The following SH3BP5 variants were observed in gnomAD, a reference collection of about 807,000 sequenced individuals.
SH3BP5 encodes the protein SH3 domain binding protein 5, also known as SH3 domain-binding protein 5.
Under a neutral mutation model 43.3 loss-of-function variants are expected in SH3BP5, and 22 were observed. That is an observed-to-expected ratio of 0.51 (90% CI 0.36 to 0.73). The LOEUF (loss-of-function observed/expected upper bound fraction) is 0.73, where lower values mean the gene tolerates loss of function less well. Ranked by LOEUF, SH3BP5 falls within the 30% of genes least tolerant of loss-of-function variation. The pLI, the probability that SH3BP5 is intolerant of heterozygous loss-of-function variation, is 0.00. For synonymous variants in SH3BP5, 255 were observed against 225.8 expected (o/e 1.13, Z -1.16); for missense variants, 529 against 586.9 (o/e 0.90, Z 1.02).
At chr3:15,265,861 A>G (rs557068245) in intron 4 of SH3BP5, among the ~76,000 whole-genome samples, 1 of 151,874 alleles carries the variant, frequency 6.6e-6, no homozygotes, top group Non-Finnish European at 1.5e-5. Flanking sequence ...GACCCTGCTC[A>G]TATCAGCCCA....
chr3:15,283,036 G>A (rs2002798), intron 3 of SH3BP5, among the ~76,000 whole-genome samples: 92 of 152,106 alleles, frequency 6.0e-4, no homozygotes, highest in Non-Finnish European at 1.2e-3. Flanking sequence ...AAAAGAATAG[G>A]GAAAACCAAA....
chr3:15,278,731 T>A (rs905333360), intron 3 of SH3BP5, among the ~76,000 whole-genome samples: 2 of 152,260 alleles, frequency 1.3e-5, no homozygotes, highest in African/African-American at 2.4e-5. Context: ...GTCAAAATTA[T>A]TCTCCTGAGG....
intron 3 of SH3BP5, among the ~76,000 whole-genome samples, chr3:15,303,475 C>G (rs1004081393): frequency 3.9e-5 from 6 of 152,094 alleles, no homozygotes; most frequent in Non-Finnish European, 8.8e-5. Flanking sequence ...ACACAGCAGC[C>G]AAAGGAAGAC....
At chr3:15,330,944 A>C in intron 1 of SH3BP5, 1 of 159,588 alleles carries the variant, frequency 6.3e-6, no homozygotes, top group Non-Finnish European at 1.3e-5. Context: ...ACAATAAGCA[A>C]GGCCAAGCCA....
At chr3:15,284,597 T>C (rs1036263427) in intron 3 of SH3BP5, among the ~76,000 whole-genome samples, 19 of 152,358 alleles carry the variant, frequency 1.2e-4, no homozygotes, top group African/African-American at 4.1e-4. Context: ...CCCTGCCAGC[T>C]GGGATCAACA....
intron 2 of SH3BP5, among the ~76,000 whole-genome samples, chr3:15,320,501 G>A (rs1487134810): frequency 6.6e-6 from 1 of 151,886 alleles, no homozygotes; most frequent in Non-Finnish European, 1.5e-5. Flanking sequence ...CATCTATGTG[G>A]CAATCGGCAG....
chr3:15,305,180 A>G (rs1169378288), intron 2 of SH3BP5, among the ~76,000 whole-genome samples: 1 of 152,162 alleles, frequency 6.6e-6, no homozygotes, highest in Non-Finnish European at 1.5e-5. Flanking sequence ...AGCAACTACT[A>G]TATTGCATAG....
intron 7 of SH3BP5, among the ~76,000 whole-genome samples, chr3:15,258,360 G>A (rs2125040805): frequency 6.6e-6 from 1 of 151,938 alleles, no homozygotes; most frequent in South Asian, 2.1e-4. Flanking sequence ...GGGTGTCAGG[G>A]GTTGATTCAT....
intron 3 of SH3BP5, among the ~76,000 whole-genome samples, chr3:15,290,230 TA>T (rs1575315088): frequency 6.6e-6 from 1 of 151,916 alleles, no homozygotes; most frequent in East Asian, 1.9e-4. Context: ...CCGTCTCTTC[TA>T]AAAATACAAA....
chr3:15,273,379 T>C (rs1696871585), intron 3 of SH3BP5: 2 of 985,290 alleles, frequency 2.0e-6, no homozygotes, highest in Non-Finnish European at 2.4e-6. Flanking sequence ...ATGTATCTGA[T>C]GAGTTCCAAA....
At chr3:15,257,234 G>T in intron 7 of SH3BP5, 121 bp from the exon 8 acceptor site, 1 of 1,022,176 alleles carries the variant, frequency 9.8e-7, no homozygotes. Context: ...ACCTCTGTGA[G>T]TGCCTAATGA....
chr3:15,262,384 G>T, intron 4 of SH3BP5, 95 bp from the exon 5 acceptor site: 2 of 1,433,982 alleles, frequency 1.4e-6, no homozygotes, highest in Non-Finnish European at 1.9e-6. Flanking sequence ...TTCTTTGCCC[G>T]GGCATGGTGA....
chr3:15,296,369 C>CA (rs879847873), intron 3 of SH3BP5, among the ~76,000 whole-genome samples: 5 of 150,914 alleles, frequency 3.3e-5, no homozygotes, highest in African/African-American at 1.2e-4. Context: ...CACACACACA[C>CA]CCCTATCCAG....
At chr3:15,282,597 C>G (rs1167912761) in intron 3 of SH3BP5, among the ~76,000 whole-genome samples, 1 of 151,476 alleles carries the variant, frequency 6.6e-6, no homozygotes, top group Non-Finnish European at 1.5e-5. Flanking sequence ...ACCACGGTTT[C>G]TAGTCAAATG....
In SH3BP5 at chr3:15,277,337, C is replaced by A. The variant is rs570355571; in HGVS notation, c.331-7460G>T. On this transcript the variant is annotated intron_variant, in intron 3 of 8. Transcript: ENST00000383791. ...AAACTCCTGACAAAGAAGTACCAGT[C>A]AAGGCAGCGCAGCCTTAGCTCTCCA... is the stretch of plus-strand genomic sequence containing the variant. Among the ~76,000 whole-genome samples the A allele has an allele frequency of 3.3e-5, 5 of 152,274 alleles. No homozygotes were observed. The East Asian group carries it at 9.6e-4, about 29-fold the overall frequency.
At chr3:15,278,307 A>AC (rs202130435) in intron 3 of SH3BP5, among the ~76,000 whole-genome samples, 2,725 of 152,248 alleles carry the variant, frequency 0.018, 85 homozygotes, top group African/African-American at 0.063. Context: ...ATGGTCAATA[A>AC]CCCCTGGGGG....
chr3:15,266,196 C>T (rs1182781447), intron 4 of SH3BP5, among the ~76,000 whole-genome samples: 2 of 152,220 alleles, frequency 1.3e-5, no homozygotes, highest in African/African-American at 4.8e-5. Flanking sequence ...AGACTGTTTC[C>T]TGATTCTTAC....
intron 4 of SH3BP5, among the ~76,000 whole-genome samples, chr3:15,262,584 A>T (rs936110436): frequency 6.6e-6 from 1 of 152,022 alleles, no homozygotes; most frequent in African/African-American, 2.4e-5. Context: ...TTGAACCCGG[A>T]GGCAGAGGTT....
chr3:15,329,260 G>A (rs1425349309), intron 2 of SH3BP5, among the ~76,000 whole-genome samples: 1 of 152,174 alleles, frequency 6.6e-6, no homozygotes, highest in Non-Finnish European at 1.5e-5. Context: ...GCTAAAACGT[G>A]TAAAAAACAC....
Sources: allele counts gnomAD v4.1 joint callset (sites outside exome capture counted in the v4.1 genomes callset), GRCh38; gene constraint gnomAD v4.1.1; transcripts MANE v1.5; gene names NCBI Gene and HGNC (gene_info 2026-07-23, HGNC 2026-07-21).